Variants in PLXNC1 observed in about 807,000 individuals in gnomAD.
PLXNC1 encodes plexin-C1.
In PLXNC1, 75 loss-of-function variants were observed where a neutral mutation model predicts 178.2. The ratio of observed to expected loss-of-function variants is 0.42; its 90% confidence interval spans 0.35 to 0.51. The LOEUF is 0.51. Ranked by LOEUF, PLXNC1 falls within the 20% of genes least tolerant of loss-of-function variation. The probability of loss-of-function intolerance (pLI) is 0.02; values close to 1 mark genes in which losing one functional copy is unlikely to be tolerated. For missense variants in PLXNC1, 1,503 were observed against 1,984.4 expected, an observed-to-expected ratio of 0.76 and a Z score of 4.61; for synonymous variants, 790 against 779.9, an observed-to-expected ratio of 1.01 and a Z score of -0.22.
chr12:94,223,823 T>C (rs1053315580), intron 6 of PLXNC1, among the ~76,000 whole-genome samples: 1 of 152,154 alleles, frequency 6.6e-6, no homozygotes, highest in African/African-American at 2.4e-5. Flanking sequence ...TTTCTGAAGG[T>C]GCAGGATTTC....
At chr12:94,267,198 T>C (rs2068435) in intron 21 of PLXNC1, among the ~76,000 whole-genome samples, 23,739 of 152,178 alleles carry the variant, frequency 0.16, 1,839 homozygotes, top group Admixed American at 0.19. Context: ...CTCCAGCATT[T>C]CAGTCATGAG....
Position 94,240,620 on chromosome 12 carries a change from T to G in PLXNC1, c.2256T>G (p.Ala752=), listed in dbSNP as rs1321315378. 3.1e-6 allele frequency: 5 copies of G among 1,613,812 alleles called. No homozygotes were observed. In the Admixed American group the frequency reaches 8.3e-5, roughly 27 times the overall value. Residue 752 remains alanine, a synonymous_variant, in exon 11 of 31, where the codon GCT becomes GCG. Coordinates refer to ENST00000258526, the MANE Select transcript of PLXNC1 (RefSeq NM_005761.3). ...CTGTGGGATCCTTATCCTACATTGC[T>G]CTGCCACATTGTTCCCTTATATTTC... ...CSSVGSLSYI[A]LPHCSLIFPA... is the part of the protein sequence containing the mutation.
intron 24 of PLXNC1, among the ~76,000 whole-genome samples, chr12:94,295,874 CCT>C (rs1358790964): frequency 1.3e-5 from 2 of 152,178 alleles, no homozygotes; most frequent in Non-Finnish European, 2.9e-5. Context: ...ACACAGCTCT[CCT>C]CTCAGCAGAT....
At chr12:94,268,897 T>G (rs1967041) in intron 21 of PLXNC1, among the ~76,000 whole-genome samples, 86,239 of 151,912 alleles carry the variant, frequency 0.57, 24,669 homozygotes, top group African/African-American at 0.62. Flanking sequence ...ATCCGGCCGA[T>G]AATAAGACCT....
At chr12:94,208,135 G>A (rs1041718319) in intron 4 of PLXNC1, among the ~76,000 whole-genome samples, 3 of 152,180 alleles carry the variant, frequency 2.0e-5, no homozygotes, top group Non-Finnish European at 2.9e-5. Context: ...TGTCTTTGAC[G>A]GATGAGCTAG....
chr12:94,165,510 G>T (rs1209550517), intron 1 of PLXNC1, among the ~76,000 whole-genome samples: 1 of 152,162 alleles, frequency 6.6e-6, no homozygotes, highest in Non-Finnish European at 1.5e-5. Flanking sequence ...TGTGGCCAGG[G>T]TCCTCCAGGC....
chr12:94,181,685 C>T, intron 3 of PLXNC1, 105 bp downstream of exon 3: 1 of 998,326 alleles, frequency 1.0e-6, no homozygotes, highest in Non-Finnish European at 1.5e-6. Flanking sequence ...AGAGTTTAAG[C>T]AGTGCCCCAG....
At chr12:94,217,308 C>G (rs4761593) in intron 5 of PLXNC1, among the ~76,000 whole-genome samples, 2 of 151,992 alleles carry the variant, frequency 1.3e-5, no homozygotes. Flanking sequence ...TGGTCCCTTC[C>G]CTCCCTGTCT....
intron 4 of PLXNC1, among the ~76,000 whole-genome samples, chr12:94,201,157 G>A (rs1240128536): frequency 6.6e-6 from 1 of 152,212 alleles, no homozygotes. Context: ...TGTGTAAAAT[G>A]CTCTAATAGC....
At chr12:94,275,575 C>T (rs1232435736) in intron 21 of PLXNC1, among the ~76,000 whole-genome samples, 1 of 141,080 alleles carries the variant, frequency 7.1e-6, no homozygotes, top group African/African-American at 2.7e-5. Flanking sequence ...GCTGTTTGGC[C>T]GGGCGCGGTG....
At chr12:94,276,322 A>G (rs7968586) in intron 21 of PLXNC1, among the ~76,000 whole-genome samples, 7,824 of 152,232 alleles carry the variant, frequency 0.051, 251 homozygotes, top group Non-Finnish European at 0.073. Context: ...GCAAGACCCC[A>G]ACAAGATCGT....
At position 94,180,888 on chromosome 12, in the gene PLXNC1, T is replaced by C. The variant is rs368175766; in HGVS notation, c.1204-558T>C. 2.7e-4 allele frequency among the ~76,000 whole-genome samples: 41 copies of C among 152,312 alleles called. 1 individual carries two copies. In the South Asian group the frequency reaches 8.3e-3, roughly 31 times the overall value. On this transcript the variant is annotated intron_variant, in intron 2 of 30. Coordinates refer to ENST00000258526, the MANE Select transcript of PLXNC1 (RefSeq NM_005761.3). ...AGCCAGCTTCCACATATGAGGATAC[T>C]ACCCCAGCCCTGAAGAGCGGCTTTT... is the stretch of plus-strand genomic sequence containing the variant.
intron 2 of PLXNC1, among the ~76,000 whole-genome samples, chr12:94,177,137 A>ATATATGTGTGTGTGTG (rs201041826): frequency 3.0e-5 from 2 of 67,412 alleles, no homozygotes; most frequent in African/African-American, 1.5e-4. Context: ...GTGTATATAT[A>ATATATGTGTGTGTGTG]TGTGTGTGTG....
At chr12:94,240,359 C>T (rs1374415764) in intron 10 of PLXNC1, 126 bp from the exon 11 acceptor site, 2 of 697,524 alleles carry the variant, frequency 2.9e-6, no homozygotes, top group Admixed American at 2.7e-5. Flanking sequence ...TCAGTAGTTG[C>T]CTGCAGCTGT....
intron 15 of PLXNC1, among the ~76,000 whole-genome samples, chr12:94,253,408 A>G (rs1032505016): frequency 1.3e-5 from 2 of 152,090 alleles, no homozygotes; most frequent in African/African-American, 4.8e-5. Context: ...TAACTGTGCA[A>G]GTCTCTGGAG....
intron 23 of PLXNC1, among the ~76,000 whole-genome samples, chr12:94,289,139 A>G (rs775360139): frequency 2.0e-5 from 3 of 152,224 alleles, no homozygotes; most frequent in African/African-American, 2.4e-5. Flanking sequence ...TGTGCCATAA[A>G]CATGGTATCT....
chr12:94,241,347 C>G (rs1477198728), intron 11 of PLXNC1, among the ~76,000 whole-genome samples: 1 of 152,144 alleles, frequency 6.6e-6, no homozygotes, highest in Non-Finnish European at 1.5e-5. Context: ...CTTATCATTT[C>G]TTTCTGTTAG....
At chr12:94,189,495 A>G (rs908362839) in intron 4 of PLXNC1, among the ~76,000 whole-genome samples, 1 of 152,170 alleles carries the variant, frequency 6.6e-6, no homozygotes. Flanking sequence ...CCTGGGCAAC[A>G]TGGCAAAGAC....
chr12:94,236,795 G>A (rs1257787261), intron 9 of PLXNC1, among the ~76,000 whole-genome samples: 1 of 152,086 alleles, frequency 6.6e-6, no homozygotes, highest in East Asian at 1.9e-4. Flanking sequence ...GTCTACAAAA[G>A]AACAGTGAAA....
Sources: allele counts gnomAD v4.1 joint callset (sites outside exome capture counted in the v4.1 genomes callset), GRCh38; gene constraint gnomAD v4.1.1; transcripts MANE v1.5; gene names NCBI Gene and HGNC (gene_info 2026-07-23, HGNC 2026-07-21).